The following SEPTIN6 variants were observed in gnomAD, a reference collection of about 807,000 sequenced individuals.
SEPTIN6 encodes the protein septin-6.
A neutral mutation model predicts 33.6 loss-of-function variants in SEPTIN6; 8 were observed. That is an observed-to-expected ratio of 0.24 (90% CI 0.14 to 0.43). SEPTIN6 has a LOEUF of 0.43. Among genes scored for constraint, SEPTIN6 ranks in the 20% least tolerant of loss-of-function variants. SEPTIN6 has a pLI of 1.00. For synonymous variants in SEPTIN6, 131 were observed against 140.0 expected (o/e 0.94, Z 0.45); for missense variants, 250 against 340.8 (o/e 0.73, Z 2.10).
chrX:119,663,432 C>T (rs753597515), intron 3 of SEPTIN6, 50 bp downstream of exon 3: 3 of 1,039,164 alleles, frequency 2.9e-6, no homozygotes, highest in Non-Finnish European at 2.6e-6. Context: ...CTCCTCTCTG[C>T]GGCCCTCTAC....
At chrX:119,646,708 C>T (rs1336664636) in intron 5 of SEPTIN6, 1 of 213,604 alleles carries the variant, frequency 4.7e-6, no homozygotes, top group Admixed American at 4.1e-5. Flanking sequence ...TCCACTCAGG[C>T]AACAGATTTC....
intron 2 of SEPTIN6, among the ~76,000 whole-genome samples, chrX:119,670,270 A>G (rs1321248060): frequency 9.0e-6 from 1 of 111,432 alleles, no homozygotes; most frequent in Non-Finnish European, 1.9e-5. Context: ...TCTAAAAAGA[A>G]TAATAGGCCA....
intron 2 of SEPTIN6, among the ~76,000 whole-genome samples, chrX:119,674,234 C>T (rs1295695747): frequency 9.2e-6 from 1 of 108,750 alleles, no homozygotes; most frequent in East Asian, 2.9e-4. Context: ...AGTGCAGTGG[C>T]GCGATCTGAG....
At chrX:119,656,557 A>G (rs1332070052) in intron 3 of SEPTIN6, among the ~76,000 whole-genome samples, 1 of 112,521 alleles carries the variant, frequency 8.9e-6, no homozygotes, top group African/African-American at 3.2e-5. Flanking sequence ...CCAAAGGTGG[A>G]AACAACCCAA....
intron 10 of SEPTIN6, among the ~76,000 whole-genome samples, chrX:119,624,700 A>C (rs1343111109): frequency 9.1e-6 from 1 of 110,487 alleles, no homozygotes; most frequent in Non-Finnish European, 1.9e-5. Flanking sequence ...AATTTTGAAA[A>C]TAATGGTTAT....
chrX:119,693,069 C>A lies in SEPTIN6; in HGVS notation c.30+7G>T. On this transcript the variant is annotated splice_region_variant and intron_variant, in intron 1 of 10. Transcript: ENST00000394610. ...CCCCGGCCCTGGCACCCAAGCTCTGCACTTACCACCTGGCGAGCTATATCG... is the reference window on the plus strand; with the variant it reads ...CCCCGGCCCTGGCACCCAAGCTCTGAACTTACCACCTGGCGAGCTATATCG... 2 of 1,174,388 alleles carry A rather than the reference C, an allele frequency of 1.7e-6. No homozygotes were observed. The highest frequency in any genetic ancestry group is 2.3e-6 in the Non-Finnish European group (2 of 876,540).
intron 9 of SEPTIN6, among the ~76,000 whole-genome samples, chrX:119,627,749 C>T (rs1020334038): frequency 2.2e-4 from 23 of 105,874 alleles, no homozygotes; most frequent in African/African-American, 6.9e-4. Context: ...CGAGTTTCTG[C>T]TAAAGGCTCT....
At chrX:119,690,447 G>A (rs1482110871) in intron 1 of SEPTIN6, among the ~76,000 whole-genome samples, 1 of 109,435 alleles carries the variant, frequency 9.1e-6, no homozygotes, top group Non-Finnish European at 1.9e-5. Context: ...ATTCCTGGCC[G>A]GGAGCAGTGG....
Position 119,629,299 on chromosome X carries a change from A to T in SEPTIN6, c.1280+19T>A. The T allele has an allele frequency of 8.3e-7, 1 of 1,204,539 alleles. No homozygotes were observed. Among genetic ancestry groups the T allele is most frequent in the Non-Finnish European group, 1.1e-6 (1 of 890,625 alleles). On this transcript the variant is annotated intron_variant, in intron 9 of 10. Transcript: ENST00000394610. ...AGGAGGAAAGAGAAGGCACCACCCC[A>T]GAGCAGCCTGCTACTTACTTTTTCT...
At chrX:119,674,476 C>G (rs186925351) in intron 2 of SEPTIN6, among the ~76,000 whole-genome samples, 1 of 112,180 alleles carries the variant, frequency 8.9e-6, no homozygotes, top group African/African-American at 3.2e-5. Context: ...CGTGCCCGGC[C>G]GAAGATATTC....
chrX:119,675,588 G>A lies in SEPTIN6; in HGVS notation c.111C>T (p.Val37=). 1 of 1,168,345 alleles carries A rather than the reference G, an allele frequency of 8.6e-7. No homozygotes were observed. Among genetic ancestry groups the A allele is most frequent in the Non-Finnish European group, 1.1e-6 (1 of 869,876 alleles). ...GGATGTTGAAGCAGAAGCCCTGGCTGACGGACTTATTCACCAGCTGGTCAG... is the reference window on the plus strand; with the variant it reads ...GGATGTTGAAGCAGAAGCCCTGGCTAACGGACTTATTCACCAGCTGGTCAG... The part of the protein sequence containing the change: ...SLPDQLVNKS[V]SQGFCFNILC... The change falls in exon 2 of 11, where the codon GTC becomes GTT. Residue 37 remains valine, a synonymous_variant. Transcript: ENST00000394610.
chrX:119,624,813 G>A (rs577141104), intron 10 of SEPTIN6, among the ~76,000 whole-genome samples: 11 of 111,164 alleles, frequency 9.9e-5, no homozygotes, highest in Admixed American at 3.8e-4. Flanking sequence ...AGGTTCAAGC[G>A]ATTCTCCTGT....
chrX:119,621,446 G>GGTGTGTGTGTGTGTGTGTGTGTGTGTGT (rs34517524), intron 10 of SEPTIN6, among the ~76,000 whole-genome samples: 58 of 63,484 alleles, frequency 9.1e-4, no homozygotes, highest in African/African-American at 2.3e-3. Context: ...GCCCAGAGCT[G>GGTGTGTGTGTGTGTGTGTGTGTGTGTGT]GTGTGTGTGT....
At chrX:119,663,021 C>T (rs775938880) in intron 3 of SEPTIN6, among the ~76,000 whole-genome samples, 16 of 112,256 alleles carry the variant, frequency 1.4e-4, no homozygotes, top group Non-Finnish European at 2.8e-4. Flanking sequence ...ATTGATGGTT[C>T]TCGCCTTTGT....
At chrX:119,633,014 A>G (rs1010699542) in intron 8 of SEPTIN6, among the ~76,000 whole-genome samples, 2 of 112,423 alleles carry the variant, frequency 1.8e-5, no homozygotes, top group Non-Finnish European at 3.8e-5. Context: ...ACATCCTCTG[A>G]TTCCTTTTTA....
At chrX:119,673,191 T>C (rs938008800) in intron 2 of SEPTIN6, among the ~76,000 whole-genome samples, 7 of 111,041 alleles carry the variant, frequency 6.3e-5, no homozygotes, top group African/African-American at 1.6e-4. Flanking sequence ...GGCAACACAG[T>C]GAGACCTCAC....
At chrX:119,692,033 A>G (rs1330740373) in intron 1 of SEPTIN6, among the ~76,000 whole-genome samples, 1 of 111,268 alleles carries the variant, frequency 9.0e-6, no homozygotes, top group African/African-American at 3.3e-5. Context: ...AAAAACAAAC[A>G]TGGAGCCTCA....
At chrX:119,654,458 C>T (rs954527932) in intron 3 of SEPTIN6, among the ~76,000 whole-genome samples, 1 of 111,465 alleles carries the variant, frequency 9.0e-6, no homozygotes, top group African/African-American at 3.3e-5. Context: ...GTCATGTGGG[C>T]CCAGGGCAGG....
intron 5 of SEPTIN6, among the ~76,000 whole-genome samples, chrX:119,641,653 C>T (rs897134577): frequency 8.9e-6 from 1 of 111,868 alleles, no homozygotes; most frequent in Non-Finnish European, 1.9e-5. Context: ...AAATGAGGAG[C>T]TTGGCCTGGC....
Sources: gnomAD v4.1 joint callset for allele counts (sites outside exome capture counted in the v4.1 genomes callset) on GRCh38, gnomAD v4.1.1 for gene constraint, MANE v1.5 for transcripts, NCBI Gene and HGNC (gene_info 2026-07-23, HGNC 2026-07-21) for gene names.